The following TUB variants were observed in gnomAD, a reference collection of about 807,000 sequenced individuals.
TUB encodes tubby protein homolog.
A neutral mutation model predicts 59.7 loss-of-function variants in TUB; 33 were observed. The observed-to-expected ratio is 0.55, with a 90% CI of 0.42 to 0.74. TUB has a LOEUF of 0.74. Ranked by LOEUF, TUB falls within the 30% of genes least tolerant of loss-of-function variation. The pLI, the probability that TUB is intolerant of heterozygous loss-of-function variation, is 0.00. For synonymous variants in TUB, 293 were observed against 256.4 expected, an observed-to-expected ratio of 1.14 and a Z score of -1.36; for missense variants, 659 against 672.0, an observed-to-expected ratio of 0.98 and a Z score of 0.21.
At chr11:8,091,119 G>A (rs1261473947) in intron 3 of TUB, among the ~76,000 whole-genome samples, 4 of 152,222 alleles carry the variant, frequency 2.6e-5, no homozygotes, top group East Asian at 1.9e-4. Context: ...CAGATACATC[G>A]AACTACTGGT....
At position 8,098,890 on chromosome 11, in the gene TUB, C is replaced by T. The variant is rs200781934; in HGVS notation, c.1116+15C>T. 5.1e-5 allele frequency: 80 copies of T among 1,574,362 alleles called. No homozygotes were observed. The highest frequency in any genetic ancestry group is 6.6e-5 in the Non-Finnish European group (75 of 1,144,534). ...CTGTGTGCTACGTGAGTCCTAGGTTCGGGGGTCTCTGATTTCCAAGGTAGA... is the reference window on the plus strand; with the variant it reads ...CTGTGTGCTACGTGAGTCCTAGGTTTGGGGGTCTCTGATTTCCAAGGTAGA... On this transcript the variant is annotated intron_variant, in intron 9 of 11. Transcript: ENST00000299506.
intron 11 of TUB, 142 bp from the exon 12 acceptor site, chr11:8,101,344 T>C: frequency 8.6e-7 from 1 of 1,163,662 alleles, no homozygotes; most frequent in Non-Finnish European, 1.2e-6. Flanking sequence ...TGGCCTTTGT[T>C]TTACTTCCCT....
intron 9 of TUB, among the ~76,000 whole-genome samples, chr11:8,099,447 C>T (rs1483050825): frequency 6.6e-6 from 1 of 152,134 alleles, no homozygotes; most frequent in South Asian, 2.1e-4. Flanking sequence ...TTCTTGGAGG[C>T]CATCAGTAAG....
At chr11:8,060,939 T>C (rs772281453) in intron 2 of TUB, among the ~76,000 whole-genome samples, 75 of 152,338 alleles carry the variant, frequency 4.9e-4, no homozygotes, top group Middle Eastern at 3.4e-3. Context: ...TCCATGCTTA[T>C]GTAGGCCTGG....
intron 2 of TUB, 35 bp downstream of exon 2, chr11:8,089,696 T>A (rs1943734669): frequency 1.2e-6 from 2 of 1,612,872 alleles, no homozygotes; most frequent in East Asian, 4.5e-5. Context: ...AAGGGAAGAG[T>A]CTGGGCTGGG....
chr11:8,035,406 C>T (rs75947662), upstream of TUB: 9,217 of 152,394 alleles, frequency 0.06, 360 homozygotes, highest in African/African-American at 0.09. Context: ...CTTTATTCAG[C>T]TTACCCTGGT....
chr11:8,022,933 A>G (rs1942450960), intron 1 of TUB, among the ~76,000 whole-genome samples: 1 of 151,790 alleles, frequency 6.6e-6, no homozygotes, highest in Non-Finnish European at 1.5e-5. Flanking sequence ...ACACAAACAA[A>G]AACAAAACAA....
chr11:8,095,747 T>A, intron 5 of TUB, 82 bp downstream of exon 5: 1 of 1,446,052 alleles, frequency 6.9e-7, no homozygotes, highest in South Asian at 1.3e-5. Flanking sequence ...AGCATGGCCT[T>A]CCTGTGTCCA....
At position 8,089,133 on chromosome 11, in the gene TUB, G is replaced by T. The variant is rs543999037; in HGVS notation, c.39-477G>T. On this transcript the variant is annotated intron_variant, in intron 1 of 11. Transcript: ENST00000299506. ...TAGGAGTTTGCTTTCAACGGATGGG[G>T]AAAGGGTCTGCCCCAGAGGACGCAG... 2.0e-5 allele frequency among the ~76,000 whole-genome samples: 3 copies of T among 152,306 alleles called. No homozygotes were observed. In the East Asian group the frequency reaches 5.8e-4, roughly 29 times the overall value.
intron 6 of TUB, among the ~76,000 whole-genome samples, 183 bp from the exon 7 acceptor site, chr11:8,097,045 G>A (rs1268537634): frequency 1.3e-5 from 2 of 152,100 alleles, no homozygotes; most frequent in Non-Finnish European, 2.9e-5. Flanking sequence ...CCACCTCTAG[G>A]AACTGTTGAG....
Position 8,098,934 on chromosome 11 carries a change from A to T in TUB, c.1116+59A>T. The T allele has an allele frequency of 5.6e-6, 7 of 1,247,434 alleles. No homozygotes were observed. In the South Asian group the frequency reaches 8.5e-5, roughly 15 times the overall value. The allele number at this position is 1,247,434 out of a possible 1,614,324, so 77.3% of individuals were successfully genotyped here. A position where few individuals can be genotyped will look rare whatever the true frequency, so the allele number is the denominator to read the frequency against. ...AGGTAGATATGAAATCCAGGACTTGATGCCTGATCTAGGGGCTATCCCATC... is the reference window on the plus strand; with the variant it reads ...AGGTAGATATGAAATCCAGGACTTGTTGCCTGATCTAGGGGCTATCCCATC... On this transcript the variant is annotated intron_variant, in intron 9 of 11. Transcript: ENST00000299506.
chr11:8,056,558 G>T (rs1195985932), intron 2 of TUB, among the ~76,000 whole-genome samples: 1 of 152,160 alleles, frequency 6.6e-6, no homozygotes, highest in African/African-American at 2.4e-5. Flanking sequence ...GAGGGAAAAG[G>T]TATTTGGCAC....
intron 1 of TUB, among the ~76,000 whole-genome samples, chr11:8,020,224 A>G (rs774486488): frequency 3.0e-4 from 45 of 152,338 alleles, no homozygotes; most frequent in Middle Eastern, 3.4e-3. Flanking sequence ...CCCCAAGTCC[A>G]TCTGCAGAAT....
chr11:8,104,550 T>C lies in TUB; in HGVS notation c.*2931T>C, dbSNP rs1426758218. On this transcript the variant is annotated 3_prime_UTR_variant, in exon 12 of 12. Transcript: ENST00000299506. Reference sequence around the variant, plus strand: ...GAGTAGGAAAGGAATAAGGATGTTGTTATGATCGCCTGTGGATTTTGTCCA... The same window carrying C: ...GAGTAGGAAAGGAATAAGGATGTTGCTATGATCGCCTGTGGATTTTGTCCA... 6.6e-6 allele frequency: 1 copy of C among 152,220 alleles called. No homozygotes were observed. The highest frequency in any genetic ancestry group is 1.5e-5 in the Non-Finnish European group (1 of 68,038). 9.4% of individuals were successfully genotyped at this position (152,220 alleles called of 1,614,324 possible).
At chr11:8,040,604 A>T (rs1424494538) in intron 2 of TUB, among the ~76,000 whole-genome samples, 1 of 152,168 alleles carries the variant, frequency 6.6e-6, no homozygotes, top group African/African-American at 2.4e-5. Context: ...CATGGCCTCA[A>T]ACCAGGTTGA....
intron 1 of TUB, chr11:8,039,041 C>T: frequency 6.2e-7 from 1 of 1,611,148 alleles, no homozygotes; most frequent in Non-Finnish European, 8.5e-7. Context: ...AAGCTTTCAA[C>T]ATCCTGCCTT....
intron 1 of TUB, chr11:8,039,532 A>AG: frequency 2.3e-6 from 2 of 888,736 alleles, no homozygotes; most frequent in Non-Finnish European, 3.2e-6. Flanking sequence ...GAGGCAGCTG[A>AG]GACCAGGGCA....
intron 3 of TUB, among the ~76,000 whole-genome samples, chr11:8,091,746 CA>C (rs1943783759): frequency 6.6e-6 from 1 of 152,192 alleles, no homozygotes; most frequent in Non-Finnish European, 1.5e-5. Context: ...CTCACAGAGG[CA>C]GCCCCAGCTG....
chr11:8,021,915 CAAAAAA>C (rs5789558), intron 1 of TUB, among the ~76,000 whole-genome samples: 1 of 116,998 alleles, frequency 8.5e-6, no homozygotes. Flanking sequence ...GACTCCAGCT[CAAAAAA>C]AAAAAAAAAA....
Sources: gnomAD v4.1 joint callset for allele counts (sites outside exome capture counted in the v4.1 genomes callset) on GRCh38, gnomAD v4.1.1 for gene constraint, MANE v1.5 for transcripts, NCBI Gene and HGNC (gene_info 2026-07-23, HGNC 2026-07-21) for gene names.